PCDHA1: variants seen among roughly 807,000 people sequenced by gnomAD.
PCDHA1 encodes the protein protocadherin alpha-1.
In PCDHA1, 42 loss-of-function variants were observed where a neutral mutation model predicts 61.3. The ratio of observed to expected loss-of-function variants is 0.69; its 90% CI spans 0.54 to 0.89. PCDHA1 has a LOEUF of 0.89. PCDHA1 is among the 40% of genes least tolerant of loss of function. The pLI is 0.00. For synonymous variants in PCDHA1, 610 were observed against 553.8 expected (o/e 1.10, Z -1.43); for missense variants, 1,256 against 1,235.3 (o/e 1.02, Z -0.25).
At chr5:140,849,237 A>G (rs1450217299) in intron 1 of PCDHA1, 1 of 1,052,122 alleles carries the variant, frequency 9.5e-7, no homozygotes, top group Non-Finnish European at 1.3e-6. Flanking sequence ...AACCCTGTAT[A>G]CGGTGAAATT....
intron 1 of PCDHA1, among the ~76,000 whole-genome samples, chr5:140,790,853 A>C (rs1761602861): frequency 6.6e-6 from 1 of 152,236 alleles, no homozygotes; most frequent in Non-Finnish European, 1.5e-5. Flanking sequence ...ACCAAAAATA[A>C]ATGGGCGTAG....
chr5:140,834,272 C>A, intron 1 of PCDHA1: 1 of 1,066,346 alleles, frequency 9.4e-7, no homozygotes, highest in Non-Finnish European at 1.4e-6. Flanking sequence ...CTCTTTCACT[C>A]TTTGGATGCA....
intron 1 of PCDHA1, among the ~76,000 whole-genome samples, chr5:140,805,928 G>T (rs1318233063): frequency 3.9e-5 from 6 of 152,090 alleles, no homozygotes; most frequent in African/African-American, 1.4e-4. Flanking sequence ...GAAATATTAG[G>T]TAAGTCCCTC....
At chr5:140,968,653 C>T (rs1301566656) in intron 1 of PCDHA1, 1 of 1,614,150 alleles carries the variant, frequency 6.2e-7, no homozygotes, top group Non-Finnish European at 8.5e-7. Flanking sequence ...AGACTTCTGA[C>T]CTGGACCTCT....
At chr5:140,853,280 T>C in intron 1 of PCDHA1, 1 of 980,192 alleles carries the variant, frequency 1.0e-6, no homozygotes, top group South Asian at 4.8e-5. Context: ...TCTCATCATA[T>C]GCAAATTCTC....
chr5:140,980,102 C>A (rs782586995), intron 2 of PCDHA1, among the ~76,000 whole-genome samples: 1 of 152,192 alleles, frequency 6.6e-6, no homozygotes, highest in Non-Finnish European at 1.5e-5. Flanking sequence ...GGTAAGATGT[C>A]ACATTGGAAC....
At position 140,823,647 on chromosome 5, in the gene PCDHA1, G is replaced by A. The variant is rs2150127892; in HGVS notation, c.2394+34963G>A. The A allele has an allele frequency of 2.1e-5, 34 of 1,613,872 alleles. No homozygotes were observed. The South Asian group carries it at 3.2e-4, about 15-fold the overall frequency. ...GTGCGCGCATCCCGTTCCGCGTGGG[G>A]CTGTACACAGGCGAGATCAGCACAA... On this transcript the variant is annotated intron_variant, in intron 1 of 3. Transcript: ENST00000504120.
At chr5:140,815,396 T>C (rs1765716097) in intron 1 of PCDHA1, 1 of 152,150 alleles carries the variant, frequency 6.6e-6, no homozygotes, top group Admixed American at 6.5e-5. Flanking sequence ...GCTTACATTT[T>C]AAAACTCTTA....
At chr5:140,832,735 T>C (rs1373705667) in intron 1 of PCDHA1, among the ~76,000 whole-genome samples, 2 of 152,316 alleles carry the variant, frequency 1.3e-5, no homozygotes, top group Non-Finnish European at 1.5e-5. Context: ...GTATCCTACA[T>C]AAATACGATG....
intron 1 of PCDHA1, chr5:140,835,448 G>C: frequency 1.9e-6 from 3 of 1,613,886 alleles, no homozygotes; most frequent in African/African-American, 1.3e-5. Flanking sequence ...TCACTTCCCT[G>C]TCTCTCCCTA....
In PCDHA1 at chr5:140,869,463, C is replaced by A. The variant is rs1554163094; in HGVS notation, c.2394+80779C>A. On this transcript the variant is annotated intron_variant, in intron 1 of 3. Transcript: ENST00000504120. ...GGCCGCTGCAGGTTTTCCATGTGAACGTGGAGGTGAAGGACATTAACGACA... is the reference window on the plus strand; with the variant it reads ...GGCCGCTGCAGGTTTTCCATGTGAAAGTGGAGGTGAAGGACATTAACGACA... 2 of 1,614,148 alleles carry A rather than the reference C, an allele frequency of 1.2e-6. No homozygotes were observed. Among genetic ancestry groups the A allele is most frequent in the Admixed American group, 1.7e-5 (1 of 60,024 alleles).
At chr5:140,896,608 C>A (rs1356168334) in intron 1 of PCDHA1, among the ~76,000 whole-genome samples, 2 of 151,832 alleles carry the variant, frequency 1.3e-5, no homozygotes, top group Non-Finnish European at 2.9e-5. Context: ...AACTCCTGGT[C>A]TTAAGTGATC....
chr5:140,832,245 C>T lies in PCDHA1; in HGVS notation c.2394+43561C>T, dbSNP rs2150200426. ...AGTTGGTTTTGACTTTTTGTGTTGT[C>T]CATGTTCCCAGGAAATATTAGACTA... On this transcript the variant is annotated intron_variant, in intron 1 of 3. Coordinates refer to ENST00000504120, the MANE Select transcript of PCDHA1 (RefSeq NM_018900.4). Among the ~76,000 whole-genome samples, 254 of 152,260 alleles carry T rather than the reference C, an allele frequency of 1.7e-3. 1 individual carries two copies. Among genetic ancestry groups the T allele is most frequent in the African/African-American group, 5.9e-3 (244 of 41,568 alleles).
intron 1 of PCDHA1, among the ~76,000 whole-genome samples, chr5:140,821,043 A>C (rs1264059753): frequency 6.6e-6 from 1 of 152,096 alleles, no homozygotes; most frequent in East Asian, 1.9e-4. Context: ...GAAGAAACTC[A>C]GGTAAGAATG....
rs146253628 is a variant in PCDHA1 at position 140,848,781 on chromosome 5, T to G, written c.2394+60097T>G. On this transcript the variant is annotated intron_variant, in intron 1 of 3. Coordinates refer to ENST00000504120, the MANE Select transcript of PCDHA1 (RefSeq NM_018900.4). ...TTCTCGGATCGACCGCGAGGAGCTG[T>G]GCGGGCGGAGCGCGGAGTGCAGCAT... 4,068 of 1,593,236 alleles carry G rather than the reference T, an allele frequency of 2.6e-3. 389 individuals are homozygous for G. The highest frequency in any genetic ancestry group is 3.0e-3 in the Non-Finnish European group (3,446 of 1,164,036).
chr5:140,925,282 T>C (rs1371569064), intron 1 of PCDHA1, among the ~76,000 whole-genome samples: 1 of 152,184 alleles, frequency 6.6e-6, no homozygotes, highest in Admixed American at 6.5e-5. Context: ...GATTTTGCCT[T>C]TCAAATGTTT....
chr5:140,967,090 G>A (rs1320117719), intron 1 of PCDHA1: 2 of 1,613,240 alleles, frequency 1.2e-6, no homozygotes, highest in African/African-American at 2.7e-5. Context: ...TTGATCGGGA[G>A]GCGCTGTGTG....
At chr5:140,989,109 A>C (rs2097330096) in intron 3 of PCDHA1, 2 of 152,240 alleles carry the variant, frequency 1.3e-5, no homozygotes, top group African/African-American at 4.8e-5. Context: ...CAACTTTTGA[A>C]TATATCTTAG....
At chr5:140,794,844 C>T (rs1554119177) in intron 1 of PCDHA1, 2 of 1,109,132 alleles carry the variant, frequency 1.8e-6, no homozygotes, top group Non-Finnish European at 2.6e-6. Context: ...ACCCAGAGCC[C>T]CTTTGTTACT....
Sources: allele counts gnomAD v4.1 joint callset (sites outside exome capture counted in the v4.1 genomes callset), GRCh38; gene constraint gnomAD v4.1.1; transcripts MANE v1.5; gene names NCBI Gene and HGNC (gene_info 2026-07-23, HGNC 2026-07-21).